CDH8: variants seen among roughly 807,000 people sequenced by gnomAD.
The protein encoded by CDH8 is cadherin-8.
A neutral mutation model predicts 68.1 loss-of-function variants in CDH8; 17 were observed. That is an observed-to-expected ratio of 0.25 (90% CI 0.17 to 0.37). The LOEUF (loss-of-function observed/expected upper bound fraction) is 0.37, where lower values mean the gene tolerates loss of function less well. Among genes scored for constraint, CDH8 ranks in the 10% least tolerant of loss-of-function variants. The pLI, the probability that CDH8 is intolerant of heterozygous loss-of-function variation, is 1.00. For missense variants in CDH8, 763 were observed against 999.3 expected (o/e 0.76, Z 3.19); for synonymous variants, 372 against 365.1 (o/e 1.02, Z -0.21).
At chr16:61,666,409 C>T (rs2142768398) in intron 10 of CDH8, among the ~76,000 whole-genome samples, 1 of 152,020 alleles carries the variant, frequency 6.6e-6, no homozygotes, top group Admixed American at 6.6e-5. Context: ...TAGAATAAAA[C>T]AGGCAAACCC....
At chr16:61,758,308 T>C (rs1249388808) in intron 8 of CDH8, among the ~76,000 whole-genome samples, 1 of 152,174 alleles carries the variant, frequency 6.6e-6, no homozygotes, top group Non-Finnish European at 1.5e-5. Flanking sequence ...AGGCAGAATA[T>C]TAGATTACTA....
chr16:61,892,984 G>C (rs1306690976), intron 3 of CDH8, among the ~76,000 whole-genome samples: 1 of 152,152 alleles, frequency 6.6e-6, no homozygotes, highest in African/African-American at 2.4e-5. Context: ...TAGTGTGTTA[G>C]TTTCCCTGGG....
intron 2 of CDH8, among the ~76,000 whole-genome samples, chr16:61,912,314 A>T (rs1964175724): frequency 1.3e-5 from 2 of 152,116 alleles, no homozygotes; most frequent in Non-Finnish European, 2.9e-5. Context: ...TTCTGTGTCA[A>T]AATGCTTGAT....
intron 4 of CDH8, among the ~76,000 whole-genome samples, chr16:61,843,534 C>T (rs1300932991): frequency 6.6e-6 from 1 of 152,178 alleles, no homozygotes; most frequent in South Asian, 2.1e-4. Flanking sequence ...CTAACTCTGA[C>T]TCCTAAGTTC....
chr16:61,700,055 T>C (rs1433945455), intron 10 of CDH8, among the ~76,000 whole-genome samples: 1 of 152,212 alleles, frequency 6.6e-6, no homozygotes, highest in Non-Finnish European at 1.5e-5. Context: ...TTGTCAGTTT[T>C]TCTTTCTTAG....
intron 2 of CDH8, among the ~76,000 whole-genome samples, chr16:61,902,048 T>G (rs767056842): frequency 1.3e-5 from 2 of 150,770 alleles, no homozygotes; most frequent in Non-Finnish European, 2.9e-5. Flanking sequence ...AAAGTAATTC[T>G]AATATATTGA....
chr16:62,008,092 A>G (rs1901715766), intron 2 of CDH8, among the ~76,000 whole-genome samples: 1 of 151,478 alleles, frequency 6.6e-6, no homozygotes, highest in Admixed American at 6.6e-5. Context: ...ATGCCACCAC[A>G]CTCAGCTAAT....
At chr16:61,803,562 C>T (rs1339578419) in intron 7 of CDH8, among the ~76,000 whole-genome samples, 2 of 152,044 alleles carry the variant, frequency 1.3e-5, no homozygotes, top group Non-Finnish European at 2.9e-5. Context: ...GTGCTGTATT[C>T]AGGAAGCCCA....
chr16:61,854,332 G>A (rs1449850511), intron 4 of CDH8, among the ~76,000 whole-genome samples: 1 of 152,050 alleles, frequency 6.6e-6, no homozygotes, highest in African/African-American at 2.4e-5. Context: ...TGAGCATGGT[G>A]AGTTTATTAA....
rs574904620 is a variant in CDH8, at chr16:61,919,016, C to T, written c.253-17543G>A. ...CAAGTGGGTCCCTGACCCTGACCCC[C>T]GAGCAGCCTAACTGGGAGGCACCCC... On this transcript the variant is annotated intron_variant, in intron 2 of 11. Transcript: ENST00000577390. Among the ~76,000 whole-genome samples, 32 of 147,458 alleles carry T rather than the reference C, an allele frequency of 2.2e-4. 1 individual carries two copies. Among genetic ancestry groups the T allele is most frequent in the Admixed American group, 1.4e-3 (20 of 14,332 alleles).
intron 3 of CDH8, among the ~76,000 whole-genome samples, chr16:61,892,717 A>G (rs1345906897): frequency 1.3e-5 from 2 of 152,154 alleles, no homozygotes; most frequent in African/African-American, 4.8e-5. Context: ...AAGTTGGGAC[A>G]CCACATAACA....
intron 2 of CDH8, among the ~76,000 whole-genome samples, chr16:61,980,584 C>T (rs1308407545): frequency 1.3e-5 from 2 of 152,130 alleles, no homozygotes; most frequent in African/African-American, 4.8e-5. Context: ...TGATGAATCC[C>T]GTTTTTTGTA....
chr16:61,787,941 T>TC (rs34480891), intron 8 of CDH8, among the ~76,000 whole-genome samples: 1 of 78,702 alleles, frequency 1.3e-5, no homozygotes, highest in African/African-American at 4.4e-5. Flanking sequence ...GGGACTGTGG[T>TC]GGGGGGGGCG....
intron 10 of CDH8, among the ~76,000 whole-genome samples, chr16:61,670,621 A>G (rs1163001373): frequency 6.6e-6 from 1 of 152,106 alleles, no homozygotes. Context: ...TAGAATTATT[A>G]CTTGTTGATT....
chr16:61,808,533 T>G (rs981061695), intron 7 of CDH8, among the ~76,000 whole-genome samples: 15 of 152,176 alleles, frequency 9.9e-5, no homozygotes, highest in African/African-American at 3.6e-4. Context: ...GTGCATGCTG[T>G]CATGGGCCCC....
At chr16:61,967,282 T>G (rs1218557837) in intron 2 of CDH8, among the ~76,000 whole-genome samples, 1 of 152,196 alleles carries the variant, frequency 6.6e-6, no homozygotes, top group East Asian at 1.9e-4. Flanking sequence ...AAGGTAGACA[T>G]GCCAACATAT....
intron 7 of CDH8, among the ~76,000 whole-genome samples, chr16:61,807,023 G>A (rs1263016906): frequency 2.6e-5 from 2 of 76,424 alleles, no homozygotes; most frequent in Non-Finnish European, 2.4e-5. Context: ...ACATGCACAC[G>A]TATGTTTATT....
At chr16:62,002,388 C>A (rs1965907630) in intron 2 of CDH8, among the ~76,000 whole-genome samples, 1 of 152,168 alleles carries the variant, frequency 6.6e-6, no homozygotes, top group Admixed American at 6.5e-5. Flanking sequence ...GACTCAGCAA[C>A]TTTCAGATGA....
chr16:61,895,215 T>C (rs1442962150), intron 3 of CDH8, among the ~76,000 whole-genome samples: 1 of 152,094 alleles, frequency 6.6e-6, no homozygotes, highest in Non-Finnish European at 1.5e-5. Flanking sequence ...ACATTAACTA[T>C]TATAAACATG....
Sources: allele counts gnomAD v4.1 joint callset (sites outside exome capture counted in the v4.1 genomes callset), GRCh38; gene constraint gnomAD v4.1.1; transcripts MANE v1.5; gene names NCBI Gene and HGNC (gene_info 2026-07-23, HGNC 2026-07-21).